Variants in LRRC37A2 observed in about 807,000 individuals in gnomAD.
LRRC37A2 encodes the protein leucine-rich repeat-containing protein 37A2.
A neutral mutation model predicts 68.8 loss-of-function variants in LRRC37A2; 9 were observed. The observed-to-expected ratio is 0.13, with a 90% confidence interval of 0.08 to 0.23. The LOEUF (loss-of-function observed/expected upper bound fraction) is 0.23. Ranked by LOEUF, LRRC37A2 falls within the 10% of genes least tolerant of loss-of-function variation. The pLI, the probability that LRRC37A2 is intolerant of heterozygous loss-of-function variation, is 1.00. For synonymous variants in LRRC37A2, 63 were observed against 367.6 expected (o/e 0.17, Z 9.48); for missense variants, 168 against 950.4 (o/e 0.18, Z 10.82).
At chr17:46,521,631 G>A (rs1465357599) in intron 4 of LRRC37A2, among the ~76,000 whole-genome samples, 3 of 70,958 alleles carry the variant, frequency 4.2e-5, no homozygotes, top group Non-Finnish European at 6.8e-5. Context: ...CTCGAACATA[G>A]AAGAGGAAAA....
chr17:46,877,919 C>T, the LRRC37A2 span, among the ~76,000 whole-genome samples: 1 of 152,324 alleles, frequency 6.6e-6, no homozygotes, highest in Non-Finnish European at 1.5e-5. Flanking sequence ...CTCACTTTGG[C>T]TCTTACTTGA....
chr17:46,870,657 C>T, the LRRC37A2 span, among the ~76,000 whole-genome samples: 1 of 152,194 alleles, frequency 6.6e-6, no homozygotes, highest in African/African-American at 2.4e-5. Flanking sequence ...GGCCAGGCCG[C>T]ATACCCTCTG....
chr17:47,019,542 C>A, the LRRC37A2 span: 2 of 1,498,452 alleles, frequency 1.3e-6, no homozygotes, highest in Non-Finnish European at 1.9e-6. Flanking sequence ...TCAGACTCTG[C>A]ATCGAAAACT....
At chr17:46,756,763 C>G in the LRRC37A2 span, 1 of 152,644 alleles carries the variant, frequency 6.6e-6, no homozygotes, top group East Asian at 1.9e-4. Flanking sequence ...TCTGTACTAT[C>G]TAGTGTCTAA....
At chr17:46,819,445 T>C in the LRRC37A2 span, among the ~76,000 whole-genome samples, 1 of 152,092 alleles carries the variant, frequency 6.6e-6, no homozygotes, top group Non-Finnish European at 1.5e-5. The surrounding 1 kb of genome is among the most constrained non-coding windows in gnomAD (Gnocchi z 5.3). Context: ...CATTTCCTGC[T>C]CTCGGAGTCG....
At chr17:47,016,067 CCT>C in the LRRC37A2 span, among the ~76,000 whole-genome samples, 1 of 152,152 alleles carries the variant, frequency 6.6e-6, no homozygotes, top group African/African-American at 2.4e-5. Flanking sequence ...GCTTTGGCCT[CCT>C]GAGTAGCTGG....
chr17:47,037,958 G>C, the LRRC37A2 span, among the ~76,000 whole-genome samples: 1 of 151,880 alleles, frequency 6.6e-6, no homozygotes, highest in East Asian at 1.9e-4. Flanking sequence ...AATCCTTTAT[G>C]TCTCTAAGAA....
At chr17:47,017,638 A>C in the LRRC37A2 span, 1 of 1,609,228 alleles carries the variant, frequency 6.2e-7, no homozygotes, top group East Asian at 2.2e-5. Flanking sequence ...TCACCCAAGA[A>C]GCTGAAGAAA....
In LRRC37A2 at chr17:46,532,088, G is replaced by A. The variant is rs1348490983; in HGVS notation, c.2907-8088G>A. Among the ~76,000 whole-genome samples, 6 of 150,382 alleles carry A rather than the reference G, an allele frequency of 4.0e-5. 1 individual carries two copies. Among genetic ancestry groups the A allele is most frequent in the Admixed American group, 6.6e-5 (1 of 15,190 alleles). ...AACAGAGTGAGACTCCAATGGAGAC[G>A]GGGTTTCAGCACGTTTATCAGGCTG... On this transcript the variant is annotated intron_variant, in intron 6 of 14. Transcript: ENST00000576629.
At chr17:46,718,529 A>C in the LRRC37A2 span, among the ~76,000 whole-genome samples, 1 of 152,212 alleles carries the variant, frequency 6.6e-6, no homozygotes, top group South Asian at 2.1e-4. Context: ...ATAACTAAAA[A>C]TTTAAAATTT....
At chr17:46,900,220 C>CACAT in the LRRC37A2 span, among the ~76,000 whole-genome samples, 22 of 122,148 alleles carry the variant, frequency 1.8e-4, no homozygotes, top group African/African-American at 6.5e-4. Context: ...CACACACACA[C>CACAT]ATATATATAT....
At chr17:46,932,367 G>A in the LRRC37A2 span, 1 of 711,236 alleles carries the variant, frequency 1.4e-6, no homozygotes, top group South Asian at 1.7e-5. Context: ...ACTAGACCTA[G>A]ACAGAGAATC....
At chr17:46,688,296 A>C in the LRRC37A2 span, among the ~76,000 whole-genome samples, 68 of 150,988 alleles carry the variant, frequency 4.5e-4, 1 homozygote, top group Non-Finnish European at 8.4e-4. Context: ...GGATCACTTA[A>C]GTCTAGGAGT....
At chr17:46,918,236 T>A in the LRRC37A2 span, among the ~76,000 whole-genome samples, 1 of 152,126 alleles carries the variant, frequency 6.6e-6, no homozygotes, top group Non-Finnish European at 1.5e-5. Flanking sequence ...CGTGCCACCA[T>A]GCCCAGCTAG....
the LRRC37A2 span, chr17:46,979,055 G>T: frequency 7.5e-7 from 1 of 1,335,414 alleles, no homozygotes; most frequent in African/African-American, 1.5e-5. Context: ...GGTGCACTGG[G>T]CTGCTCGCCG....
chr17:46,759,091 C>G, the LRRC37A2 span, among the ~76,000 whole-genome samples: 13 of 152,142 alleles, frequency 8.5e-5, no homozygotes, highest in Non-Finnish European at 1.3e-4. Context: ...GTAATCTCAG[C>G]TACTTGGGAG....
At chr17:46,898,525 G>C in the LRRC37A2 span, among the ~76,000 whole-genome samples, 1 of 152,170 alleles carries the variant, frequency 6.6e-6, no homozygotes, top group Non-Finnish European at 1.5e-5. Flanking sequence ...CACTGTATGT[G>C]AGGAGGGCAC....
At chr17:46,998,531 A>G in the LRRC37A2 span, among the ~76,000 whole-genome samples, 1 of 152,240 alleles carries the variant, frequency 6.6e-6, no homozygotes, top group African/African-American at 2.4e-5. Context: ...GCACAAGCCC[A>G]GAGCTGTCGG....
the LRRC37A2 span, among the ~76,000 whole-genome samples, chr17:46,870,428 C>A: frequency 6.6e-6 from 1 of 151,246 alleles, no homozygotes; most frequent in Non-Finnish European, 1.5e-5. Flanking sequence ...TGGGTGTAGA[C>A]CTGGTGGACT....
Sources: gnomAD v4.1 joint callset for allele counts (sites outside exome capture counted in the v4.1 genomes callset) on GRCh38, gnomAD v4.1.1 for gene constraint, Gnocchi (gnomAD v3.1) non-coding constraint, MANE v1.5 for transcripts, NCBI Gene and HGNC (gene_info 2026-07-23, HGNC 2026-07-21) for gene names.